Variants in MYO18B observed in about 807,000 individuals in gnomAD.
The protein encoded by MYO18B is myosin XVIIIB, also known as unconventional myosin-XVIIIb.
Under a neutral mutation model 273.0 loss-of-function variants are expected in MYO18B, and 204 were observed. The observed-to-expected ratio is 0.75, with a 90% CI of 0.67 to 0.84. The LOEUF is 0.84. Among genes scored for constraint, MYO18B ranks in the 40% least tolerant of loss-of-function variants. The pLI is 0.00. For synonymous variants in MYO18B, 1,330 were observed against 1,305.7 expected, an observed-to-expected ratio of 1.02 and a Z score of -0.40; for missense variants, 3,212 against 3,287.6, an observed-to-expected ratio of 0.98 and a Z score of 0.56.
rs977264257 is a variant in MYO18B, at chr22:25,763,355, G to A, written c.164G>A (p.Arg55Lys). 6.2e-7 allele frequency: 1 copy of A among 1,612,080 alleles called. No homozygotes were observed. Among genetic ancestry groups the A allele is most frequent in the Admixed American group, 1.7e-5 (1 of 59,222 alleles). ...AAAGAGGCCAAGGAAGCGAGACAGA[G>A]GAAGCAGTTAGCTGTCGCCTCTCCA... ...TEKEAKEARQ[R>K]KQLAVASPER... is the part of the protein sequence containing the mutation. The change falls in exon 3 of 44, where the codon AGG (arginine) becomes AAG (lysine). Residue 55 changes from arginine to lysine, a missense_variant. Arg to Lys is a conservative substitution (Grantham distance 26). Transcript: ENST00000335473.
chr22:25,857,501 G>T lies in MYO18B; in HGVS notation c.3885+5922G>T, dbSNP rs148930328. 1.2e-3 allele frequency among the ~76,000 whole-genome samples: 188 copies of T among 152,184 alleles called. 2 individuals carry two copies. The highest frequency in any genetic ancestry group is 2.4e-3 in the Admixed American group (36 of 15,284). ...TCATCTCAAGAGTCTTTATCTGCTG[G>T]GAAGAAACCCTTATGAGCCCATGGC... On this transcript the variant is annotated intron_variant, in intron 21 of 43. Transcript: ENST00000335473.
the MYO18B span, among the ~76,000 whole-genome samples, chr22:26,061,679 T>C: frequency 8.0e-5 from 12 of 150,148 alleles, no homozygotes; most frequent in African/African-American, 2.2e-4. Flanking sequence ...CCGAGAAAGG[T>C]CATCTACCAC....
At chr22:25,752,348 C>A (rs957307918) in intron 1 of MYO18B, among the ~76,000 whole-genome samples, 3 of 150,870 alleles carry the variant, frequency 2.0e-5, no homozygotes, top group Admixed American at 2.0e-4. Context: ...CCACTACGCC[C>A]GGCTAATTTT....
chr22:25,952,969 C>A (rs1014431527), intron 38 of MYO18B, among the ~76,000 whole-genome samples: 1 of 152,112 alleles, frequency 6.6e-6, no homozygotes. Flanking sequence ...AAGATATGTA[C>A]ATAAATATCT....
intron 11 of MYO18B, among the ~76,000 whole-genome samples, chr22:25,785,800 T>C (rs3859870): frequency 0.34 from 52,232 of 152,060 alleles, 9,259 homozygotes; most frequent in East Asian, 0.59. Context: ...CTTAACCTCC[T>C]GGTAGGTCTG....
intron 42 of MYO18B, among the ~76,000 whole-genome samples, chr22:26,013,453 T>G (rs1035522405): frequency 3.3e-5 from 5 of 152,092 alleles, no homozygotes; most frequent in African/African-American, 1.2e-4. Flanking sequence ...TAATAGACAA[T>G]TAGGTTGTTT....
rs1341234671 is a variant in MYO18B, at chr22:25,955,198, G to C, written c.5990G>C (p.Arg1997Pro). 6.2e-7 allele frequency: 1 copy of C among 1,610,440 alleles called. No homozygotes were observed. Residue 1997 changes from arginine (R) to proline (P), a missense_variant, in exon 39 of 44, where the codon CGG becomes CCG. Coordinates refer to ENST00000335473, the MANE Select transcript of MYO18B (RefSeq NM_032608.7). ...TCCCAGGTCCTGGTGATCCGGCTTCGGGACAGCCTGATCAAGATGGGGGAG... is the reference window on the plus strand; with the variant it reads ...TCCCAGGTCCTGGTGATCCGGCTTCCGGACAGCCTGATCAAGATGGGGGAG... ...KRFEVLVIRL[R>P]DSLIKMGEEL...
intron 1 of MYO18B, among the ~76,000 whole-genome samples, chr22:25,755,662 C>T (rs1407685483): frequency 6.6e-6 from 1 of 152,168 alleles, no homozygotes; most frequent in Non-Finnish European, 1.5e-5. Flanking sequence ...TCTTGGTGCC[C>T]ACCCTGGGTT....
At chr22:25,842,354 T>C (rs5761266) in intron 17 of MYO18B, among the ~76,000 whole-genome samples, 51,548 of 151,936 alleles carry the variant, frequency 0.34, 9,311 homozygotes, top group East Asian at 0.67. Context: ...CCAAGAGTCA[T>C]GATAATCTGA....
Position 25,763,297 on chromosome 22 carries a change from G to T in MYO18B, c.106G>T (p.Gly36Cys). ...TCCTCTTTTCTCTGTCATCCCAGGGGGCTTCATTAAGCAACTGGTCCGGGG... is the reference window on the plus strand; with the variant it reads ...TCCTCTTTTCTCTGTCATCCCAGGGTGCTTCATTAAGCAACTGGTCCGGGG... ...PPPLFSVIPGGFIKQLVRGTE... is the reference protein window; with the variant it reads ...PPPLFSVIPGCFIKQLVRGTE... Residue 36 changes from glycine to cysteine, a missense_variant, in exon 3 of 44, where the codon GGC (glycine) becomes TGC (cysteine). By Grantham distance (159) the Gly-to-Cys change is radical. Transcript: ENST00000335473. 6.2e-7 allele frequency: 1 copy of T among 1,613,084 alleles called. No individual in the cohort carries two copies. The highest frequency in any genetic ancestry group is 8.5e-7 in the Non-Finnish European group (1 of 1,179,676).
intron 14 of MYO18B, among the ~76,000 whole-genome samples, chr22:25,826,849 C>G (rs2089510616): frequency 2.0e-5 from 3 of 152,178 alleles, no homozygotes; most frequent in Admixed American, 2.0e-4. Flanking sequence ...CACCTGAGAT[C>G]AGGAATTCAA....
At chr22:25,964,360 T>A (rs1224318650) in intron 39 of MYO18B, 1 of 152,218 alleles carries the variant, frequency 6.6e-6, no homozygotes, top group Non-Finnish European at 1.5e-5. Context: ...GTGAAGCAAT[T>A]TCTCCAAAGT....
rs546216625 is a variant in MYO18B, at chr22:25,758,635, A to G, written c.-109-2349A>G. 1.9e-4 allele frequency among the ~76,000 whole-genome samples: 29 copies of G among 152,308 alleles called. 1 individual carries two copies. The highest frequency in any genetic ancestry group is 1.5e-3 in the South Asian group (7 of 4,818). The stretch of plus-strand genomic sequence containing the variant: ...AATACTTTATGATTCCGTTATAGCG[A>G]ATGTCCAAAAAGGGCAAATTTATAG... On this transcript the variant is annotated intron_variant, in intron 1 of 43. Coordinates refer to ENST00000335473, the MANE Select transcript of MYO18B (RefSeq NM_032608.7).
chr22:25,769,615 T>G (rs1286274919), intron 4 of MYO18B, among the ~76,000 whole-genome samples, 187 bp downstream of exon 4: 1 of 151,980 alleles, frequency 6.6e-6, no homozygotes, highest in East Asian at 1.9e-4. Flanking sequence ...TGAGCAGAAG[T>G]CTTGAAGTTT....
chr22:25,747,468 C>T (rs562330119), intron 1 of MYO18B, among the ~76,000 whole-genome samples: 123 of 152,332 alleles, frequency 8.1e-4, no homozygotes, highest in African/African-American at 2.6e-3. Flanking sequence ...CACTCAGCCA[C>T]GAGGCCCATC....
At chr22:25,743,300 A>G (rs2085683241) in intron 1 of MYO18B, among the ~76,000 whole-genome samples, 1 of 152,210 alleles carries the variant, frequency 6.6e-6, no homozygotes, top group Non-Finnish European at 1.5e-5. Flanking sequence ...AGACTCCAAC[A>G]AGGATAATGG....
At chr22:26,028,059 CAG>C (rs1447566325) in intron 43 of MYO18B, among the ~76,000 whole-genome samples, 1 of 151,978 alleles carries the variant, frequency 6.6e-6, no homozygotes. Flanking sequence ...GACTGGCCAA[CAG>C]GGTGAAACCT....
Position 26,002,051 on chromosome 22 carries a change from G to A in MYO18B, c.6288-1214G>A, listed in dbSNP as rs138758695. 6.7e-3 allele frequency among the ~76,000 whole-genome samples: 1,021 copies of A among 152,292 alleles called. 13 individuals are homozygous for A. Among genetic ancestry groups the A allele is most frequent in the Middle Eastern group, 0.034 (10 of 294 alleles). On this transcript the variant is annotated intron_variant, in intron 40 of 43. Transcript: ENST00000335473. ...GTACAGAAACATATTCCCTTGTTTT[G>A]GGGGTTAGAATGTGAACATCTTTGG...
chr22:25,921,173 A>C, intron 33 of MYO18B, 84 bp from the exon 34 acceptor site: 1 of 1,400,336 alleles, frequency 7.1e-7, no homozygotes, highest in South Asian at 1.4e-5. Flanking sequence ...GGCAGGATTT[A>C]AACCAGGGAA....
Sources: allele counts gnomAD v4.1 joint callset (sites outside exome capture counted in the v4.1 genomes callset), GRCh38; gene constraint gnomAD v4.1.1; transcripts MANE v1.5; gene names NCBI Gene and HGNC (gene_info 2026-07-23, HGNC 2026-07-21).